The following ZC3H6 variants were observed in gnomAD, a reference collection of about 807,000 sequenced individuals.
ZC3H6 encodes the protein zinc finger CCCH-type containing 6.
In ZC3H6, 40 loss-of-function variants were observed where a neutral mutation model predicts 107.7. The ratio of observed to expected loss-of-function variants is 0.37; its 90% CI spans 0.29 to 0.48. The LOEUF is 0.48. Among genes scored for constraint, ZC3H6 ranks in the 20% least tolerant of loss-of-function variants. ZC3H6 has a pLI of 0.98. For missense variants in ZC3H6, 1,267 were observed against 1,410.4 expected (o/e 0.90, Z 1.63); for synonymous variants, 493 against 487.9 (o/e 1.01, Z -0.14).
intron 1 of ZC3H6, among the ~76,000 whole-genome samples, chr2:112,298,086 T>C (rs1185051975): frequency 1.3e-5 from 2 of 152,126 alleles, no homozygotes; most frequent in African/African-American, 2.4e-5. Flanking sequence ...TGCACTGCAG[T>C]CTGGGTGACA....
rs974057480 is a variant in ZC3H6 at position 112,338,488 on chromosome 2, G to T, written c.*6000G>T. On this transcript the variant is annotated 3_prime_UTR_variant, in exon 12 of 12. Coordinates refer to ENST00000409871, the MANE Select transcript of ZC3H6 (RefSeq NM_198581.3). The stretch of plus-strand genomic sequence containing the variant: ...AAGGAAGAGCTGTGAGTTCAAAGAA[G>T]ATTGTGAGTTCTTGGAATAGTATTT... The T allele has an allele frequency of 1.3e-5, 2 of 152,168 alleles. No homozygotes were observed. Among genetic ancestry groups the T allele is most frequent in the Admixed American group, 6.5e-5 (1 of 15,274 alleles). The allele number at this position is 152,168 out of a possible 1,614,324, so 9.4% of individuals were successfully genotyped here. A position where few individuals can be genotyped will look rare whatever the true frequency, so the allele number is the denominator to read the frequency against.
At chr2:112,280,295 TTGTTG>T (rs1171641052) in intron 1 of ZC3H6, among the ~76,000 whole-genome samples, 1 of 152,196 alleles carries the variant, frequency 6.6e-6, no homozygotes, top group African/African-American at 2.4e-5. Flanking sequence ...AATTTAACTA[TTGTTG>T]AAATTACTAA....
rs749710726 is a variant in ZC3H6 at position 112,304,117 on chromosome 2, C to T, written c.336+766C>T. Among the ~76,000 whole-genome samples, 10 of 152,082 alleles carry T rather than the reference C, an allele frequency of 6.6e-5. No individual in the cohort carries two copies. In the East Asian group the frequency reaches 1.7e-3, roughly 26 times the overall value. On this transcript the variant is annotated intron_variant, in intron 3 of 11. Coordinates refer to ENST00000409871, the MANE Select transcript of ZC3H6 (RefSeq NM_198581.3). Reference sequence around the variant, plus strand: ...TTCAATTTCTCTACATCCTTGCCAACGTGTGTTTTTTTTCTTTGTTTTCTT... The same window carrying T: ...TTCAATTTCTCTACATCCTTGCCAATGTGTGTTTTTTTTCTTTGTTTTCTT...
chr2:112,299,996 A>C lies in ZC3H6; in HGVS notation c.180A>C (p.Lys60Asn). 5 of 1,481,852 alleles carry C rather than the reference A, an allele frequency of 3.4e-6. No homozygotes were observed. Among genetic ancestry groups the C allele is most frequent in the Non-Finnish European group, 4.5e-6 (5 of 1,119,470 alleles). The allele number at this position is 1,481,852 out of a possible 1,614,324, so 91.8% of individuals were successfully genotyped here. The change falls in exon 2 of 12, where the codon AAA becomes AAC. Residue 60 changes from lysine (K) to asparagine (N), a missense_variant. Coordinates refer to ENST00000409871, the MANE Select transcript of ZC3H6 (RefSeq NM_198581.3). ...AACATAAGAAAGAGAGAGAGAAGAAAAAATCCAAAAGGAGAAAACGTGAGA... is the reference window on the plus strand; with the variant it reads ...AACATAAGAAAGAGAGAGAGAAGAACAAATCCAAAAGGAGAAAACGTGAGA... Reference protein sequence around the residue: ...RKKHKKEREKKKSKRRKREKH... With the variant: ...RKKHKKEREKNKSKRRKREKH...
At chr2:112,326,644 ACT>A (rs1558957311) in intron 11 of ZC3H6, among the ~76,000 whole-genome samples, 1 of 151,762 alleles carries the variant, frequency 6.6e-6, no homozygotes, top group African/African-American at 2.4e-5. Context: ...ACAGAGTCTC[ACT>A]CTGTTACCCA....
chr2:112,284,948 T>A (rs1029921854), intron 1 of ZC3H6, among the ~76,000 whole-genome samples: 2 of 152,172 alleles, frequency 1.3e-5, no homozygotes, highest in Non-Finnish European at 2.9e-5. Flanking sequence ...TGGTATAAAA[T>A]AACTAAAAAT....
chr2:112,295,122 TTGTATC>T (rs1192556770), intron 1 of ZC3H6, among the ~76,000 whole-genome samples: 4 of 152,140 alleles, frequency 2.6e-5, no homozygotes, highest in South Asian at 2.1e-4. Flanking sequence ...CTAATCTACT[TTGTATC>T]TGTATAGATT....
At chr2:112,308,706 A>G (rs938420279) in intron 3 of ZC3H6, among the ~76,000 whole-genome samples, 2 of 146,412 alleles carry the variant, frequency 1.4e-5, no homozygotes, top group African/African-American at 5.0e-5. Flanking sequence ...TGCTGGGATT[A>G]CAGGCGTGAA....
chr2:112,288,862 G>C (rs1676006598), intron 1 of ZC3H6, among the ~76,000 whole-genome samples: 1 of 152,074 alleles, frequency 6.6e-6, no homozygotes, highest in Non-Finnish European at 1.5e-5. Context: ...AGAAATTGCT[G>C]TTAGGGCAAT....
At chr2:112,310,246 C>A in intron 4 of ZC3H6, 85 bp downstream of exon 4, 1 of 1,334,430 alleles carries the variant, frequency 7.5e-7, no homozygotes, top group East Asian at 2.4e-5. Context: ...GAAACTTATC[C>A]CTGTTCAAGA....
intron 7 of ZC3H6, among the ~76,000 whole-genome samples, chr2:112,319,881 T>C (rs541328319): frequency 1.1e-4 from 16 of 152,302 alleles, no homozygotes; most frequent in Admixed American, 1.0e-3. Context: ...TTTCAGACTT[T>C]TTTTCTATGC....
chr2:112,315,392 G>A (rs116640530), intron 5 of ZC3H6, among the ~76,000 whole-genome samples: 2,529 of 151,786 alleles, frequency 0.017, 69 homozygotes, highest in African/African-American at 0.057. Flanking sequence ...AATACACGCC[G>A]CCTGTTTGTT....
At chr2:112,327,282 G>A (rs1055884641) in intron 11 of ZC3H6, among the ~76,000 whole-genome samples, 5 of 152,062 alleles carry the variant, frequency 3.3e-5, no homozygotes, top group African/African-American at 1.2e-4. Flanking sequence ...GTGATGTTGT[G>A]CACCTTTTCA....
chr2:112,276,099 C>G, intron 1 of ZC3H6, 73 bp downstream of exon 1: 1 of 1,410,100 alleles, frequency 7.1e-7, no homozygotes, highest in Non-Finnish European at 9.7e-7. Context: ...CGGGCCGGGG[C>G]CGGGCGCCTC....
intron 1 of ZC3H6, among the ~76,000 whole-genome samples, chr2:112,283,560 C>T (rs1686561178): frequency 6.6e-6 from 1 of 152,142 alleles, no homozygotes; most frequent in Non-Finnish European, 1.5e-5. Context: ...TCATGATACT[C>T]AATATTTTAC....
chr2:112,287,094 A>G (rs1460152871), intron 1 of ZC3H6, among the ~76,000 whole-genome samples: 1 of 152,076 alleles, frequency 6.6e-6, no homozygotes, highest in Non-Finnish European at 1.5e-5. Context: ...GAACTGCTAT[A>G]TGAAAATATT....
intron 1 of ZC3H6, among the ~76,000 whole-genome samples, chr2:112,282,290 A>G (rs1285526839): frequency 6.6e-6 from 1 of 152,230 alleles, no homozygotes; most frequent in African/African-American, 2.4e-5. Flanking sequence ...TCTCTTGTGC[A>G]TTGATGCCCC....
intron 1 of ZC3H6, among the ~76,000 whole-genome samples, chr2:112,293,685 T>G (rs1029719884): frequency 2.6e-5 from 4 of 152,116 alleles, no homozygotes; most frequent in African/African-American, 9.7e-5. Context: ...AGGGAGTTAG[T>G]TTAAGGATTA....
intron 7 of ZC3H6, among the ~76,000 whole-genome samples, chr2:112,319,365 G>T (rs1480394031): frequency 2.0e-5 from 3 of 152,096 alleles, no homozygotes; most frequent in African/African-American, 7.2e-5. Context: ...GAGGAAAGGG[G>T]CCAGGCACGG....
Sources: allele counts gnomAD v4.1 joint callset (sites outside exome capture counted in the v4.1 genomes callset), GRCh38; gene constraint gnomAD v4.1.1; transcripts MANE v1.5; gene names NCBI Gene and HGNC (gene_info 2026-07-23, HGNC 2026-07-21).